KCNH7: variants seen among roughly 807,000 people sequenced by gnomAD.
The protein encoded by KCNH7 is potassium voltage-gated channel subfamily H member 7.
In KCNH7, 49 loss-of-function variants were observed where a neutral mutation model predicts 120.8. The ratio of observed to expected loss-of-function variants is 0.41; its 90% CI spans 0.32 to 0.51. The LOEUF is 0.51. Among genes scored for constraint, KCNH7 ranks in the 20% least tolerant of loss-of-function variants. The probability of loss-of-function intolerance (pLI) is 0.38; values close to 1 mark genes in which losing one functional copy is unlikely to be tolerated. For synonymous variants in KCNH7, 547 were observed against 516.1 expected, an observed-to-expected ratio of 1.06 and a Z score of -0.81; for missense variants, 1,097 against 1,446.6, an observed-to-expected ratio of 0.76 and a Z score of 3.92.
chr2:162,504,383 T>C (rs1301326267), intron 6 of KCNH7, 60 bp downstream of exon 6: 2 of 1,255,936 alleles, frequency 1.6e-6, no homozygotes, highest in Non-Finnish European at 2.3e-6. Flanking sequence ...AAGAATATGT[T>C]TCATGGTGCA....
chr2:162,386,229 G>A (rs532796339), intron 12 of KCNH7, among the ~76,000 whole-genome samples: 31 of 151,600 alleles, frequency 2.0e-4, no homozygotes, highest in Admixed American at 1.2e-3. Context: ...GTAAATATTC[G>A]GATCAAATCT....
intron 6 of KCNH7, among the ~76,000 whole-genome samples, chr2:162,470,177 G>T (rs1689459502): frequency 6.6e-6 from 1 of 151,806 alleles, no homozygotes; most frequent in South Asian, 2.1e-4. Context: ...CATCGTCTGG[G>T]ATGTGAGGAG....
chr2:162,407,296 C>T (rs187995491), intron 9 of KCNH7, among the ~76,000 whole-genome samples: 26 of 152,076 alleles, frequency 1.7e-4, no homozygotes, highest in African/African-American at 5.5e-4. Flanking sequence ...TTGTAAATCC[C>T]GAACCAGTTT....
intron 3 of KCNH7, among the ~76,000 whole-genome samples, chr2:162,533,452 A>G (rs535508631): frequency 1.3e-5 from 2 of 151,842 alleles, no homozygotes; most frequent in Non-Finnish European, 2.9e-5. Flanking sequence ...CAACCAAAAC[A>G]AAGGCAAATG....
intron 2 of KCNH7, among the ~76,000 whole-genome samples, chr2:162,731,415 A>G (rs2105392350): frequency 1.3e-5 from 2 of 151,746 alleles, no homozygotes; most frequent in East Asian, 3.9e-4. Flanking sequence ...AAAAAAGAAA[A>G]CCTAAATGCC....
At chr2:162,817,093 C>T (rs1256625641) in intron 2 of KCNH7, among the ~76,000 whole-genome samples, 1 of 152,062 alleles carries the variant, frequency 6.6e-6, no homozygotes, top group Non-Finnish European at 1.5e-5. Flanking sequence ...AGTTCACAGA[C>T]AGTGAAATGC....
At chr2:162,621,185 C>A (rs1022169589) in intron 2 of KCNH7, among the ~76,000 whole-genome samples, 2 of 112,998 alleles carry the variant, frequency 1.8e-5, no homozygotes, top group African/African-American at 6.9e-5. Context: ...TAAGGCAATT[C>A]TTTAATTTTA....
At chr2:162,525,814 G>A (rs1292242557) in intron 3 of KCNH7, among the ~76,000 whole-genome samples, 2 of 151,862 alleles carry the variant, frequency 1.3e-5, no homozygotes, top group Non-Finnish European at 2.9e-5. Flanking sequence ...TGTATGAATA[G>A]GGACTGTCCC....
intron 6 of KCNH7, among the ~76,000 whole-genome samples, chr2:162,475,860 CT>C (rs1201475277): frequency 6.6e-6 from 1 of 152,190 alleles, no homozygotes; most frequent in African/African-American, 2.4e-5. Flanking sequence ...AATTACCCAG[CT>C]CTAACTGAGA....
Position 162,778,880 on chromosome 2 carries a change from C to T in KCNH7, c.307+57657G>A, listed in dbSNP as rs551742500. ...CAGTAAATTTATTCATTGAGTTATA[C>T]GCATTTACTACTTGGCCAATTATTG... On this transcript the variant is annotated intron_variant, in intron 2 of 15. Coordinates refer to ENST00000332142, the MANE Select transcript of KCNH7 (RefSeq NM_033272.4). 5.3e-4 allele frequency among the ~76,000 whole-genome samples: 80 copies of T among 151,924 alleles called. 1 individual carries two copies. Among genetic ancestry groups the T allele is most frequent in the African/African-American group, 1.3e-3 (52 of 41,454 alleles).
rs542224946 is a variant in KCNH7, at chr2:162,491,500, C to T, written c.1128+12943G>A. 1.2e-4 allele frequency among the ~76,000 whole-genome samples: 18 copies of T among 152,252 alleles called. No individual in the cohort carries two copies. In the South Asian group the frequency reaches 3.7e-3, roughly 32 times the overall value. On this transcript the variant is annotated intron_variant, in intron 6 of 15. Coordinates refer to ENST00000332142, the MANE Select transcript of KCNH7 (RefSeq NM_033272.4). Reference sequence around the variant, plus strand: ...CTGATTCCTGACAATTAGGCCCCCTCCCATTTCATAGATAGAGGTCATGCT... The same window carrying T: ...CTGATTCCTGACAATTAGGCCCCCTTCCATTTCATAGATAGAGGTCATGCT...
At chr2:162,826,120 C>G (rs1262597069) in intron 2 of KCNH7, among the ~76,000 whole-genome samples, 3 of 151,980 alleles carry the variant, frequency 2.0e-5, no homozygotes, top group Admixed American at 1.3e-4. Context: ...ACAATCTCAA[C>G]CCATGACCCA....
chr2:162,672,740 A>C (rs1407090681), intron 2 of KCNH7, among the ~76,000 whole-genome samples: 1 of 151,972 alleles, frequency 6.6e-6, no homozygotes, highest in Non-Finnish European at 1.5e-5. Flanking sequence ...CATATGATGA[A>C]TTACTACACA....
chr2:162,561,934 A>G (rs1693083233), intron 2 of KCNH7, among the ~76,000 whole-genome samples: 1 of 152,174 alleles, frequency 6.6e-6, no homozygotes, highest in Admixed American at 6.5e-5. Flanking sequence ...ACTGGAAACC[A>G]TCCTTGTCAG....
rs180735247 is a variant in KCNH7 at position 162,761,479 on chromosome 2, A to G, written c.307+75058T>C. Among the ~76,000 whole-genome samples, 96 of 152,228 alleles carry G rather than the reference A, an allele frequency of 6.3e-4. 1 individual carries two copies. The highest frequency in any genetic ancestry group is 2.2e-3 in the African/African-American group (92 of 41,550). Reference sequence around the variant, plus strand: ...GGGTTTCTGTCTGGTGACAGCACTAAGAAAAAATGTTCCCCAAAGTCAAAA... The same window carrying G: ...GGGTTTCTGTCTGGTGACAGCACTAGGAAAAAATGTTCCCCAAAGTCAAAA... On this transcript the variant is annotated intron_variant, in intron 2 of 15. Coordinates refer to ENST00000332142, the MANE Select transcript of KCNH7 (RefSeq NM_033272.4).
chr2:162,435,309 C>T lies in KCNH7; in HGVS notation c.1843G>A (p.Val615Ile). 1.2e-6 allele frequency: 2 copies of T among 1,613,810 alleles called. No homozygotes were observed. Among genetic ancestry groups the T allele is most frequent in the Non-Finnish European group, 1.7e-6 (2 of 1,179,828 alleles). Residue 615 changes from valine to isoleucine, a missense_variant, in exon 8 of 16, where the codon GTC becomes ATC. This residue lies in a region of KCNH7 where 36 missense variants were observed against 46.8 expected (regional missense o/e 0.77). Transcript: ENST00000332142. ...CTGAAGGTAAAATAAAGTGCTGTGA[C>T]GTATTTGTCTTTAATGGATGGTCCA... ...SSGPSIKDKY[V>I]TALYFTFSSL...
At chr2:162,699,075 G>A (rs762542410) in intron 2 of KCNH7, among the ~76,000 whole-genome samples, 1 of 151,980 alleles carries the variant, frequency 6.6e-6, no homozygotes, top group African/African-American at 2.4e-5. Flanking sequence ...ATCATTTTTT[G>A]TGGTGAAAAA....
chr2:162,406,802 A>C (rs1687239285), intron 9 of KCNH7, among the ~76,000 whole-genome samples: 1 of 152,016 alleles, frequency 6.6e-6, no homozygotes, highest in African/African-American at 2.4e-5. Context: ...TGTTGTTTGT[A>C]AAAGCTAACG....
intron 2 of KCNH7, among the ~76,000 whole-genome samples, chr2:162,718,639 A>G (rs1042942917): frequency 1.3e-5 from 2 of 152,042 alleles, no homozygotes; most frequent in African/African-American, 2.4e-5. Flanking sequence ...TGAGTGTCAT[A>G]GTATAACAAG....
Sources: allele counts gnomAD v4.1 joint callset (sites outside exome capture counted in the v4.1 genomes callset), GRCh38; gene constraint gnomAD v4.1.1; regional missense constraint gnomAD v4.1.1; transcripts MANE v1.5; gene names NCBI Gene and HGNC (gene_info 2026-07-23, HGNC 2026-07-21).